Variants in IGF2BP2 observed in about 807,000 individuals in gnomAD.
IGF2BP2 encodes the protein insulin like growth factor 2 mRNA binding protein 2.
In IGF2BP2, 17 loss-of-function variants were observed where a neutral mutation model predicts 75.8. The observed-to-expected ratio is 0.22, with a 90% CI of 0.15 to 0.34. The LOEUF (loss-of-function observed/expected upper bound fraction) is 0.34, where lower values mean the gene tolerates loss of function less well. Ranked by LOEUF, IGF2BP2 falls within the 10% of genes least tolerant of loss-of-function variation. IGF2BP2 has a pLI of 1.00. For synonymous variants in IGF2BP2, 288 were observed against 295.6 expected, an observed-to-expected ratio of 0.97 and a Z score of 0.26; for missense variants, 516 against 772.4, an observed-to-expected ratio of 0.67 and a Z score of 3.93.
At chr3:185,675,125 C>T (rs1719130711) in intron 9 of IGF2BP2, 171 bp downstream of exon 9, 2 of 546,420 alleles carry the variant, frequency 3.7e-6, no homozygotes, top group Non-Finnish European at 6.2e-6. Context: ...TGATGTTGTC[C>T]AGCGCACTTA....
chr3:185,672,739 C>T, intron 9 of IGF2BP2, 70 bp from the exon 10 acceptor site: 1 of 1,566,082 alleles, frequency 6.4e-7, no homozygotes, highest in East Asian at 2.3e-5. Flanking sequence ...GGGTCAACCT[C>T]CCTCTCTTGT....
chr3:185,657,401 T>A lies in IGF2BP2; in HGVS notation c.1271A>T (p.Tyr424Phe). ...QFGPFPHHHS[Y>F]PEQEIVNLFI... ...GAGATTCACAATCTCCTGCTCTGGATACTGGGAGGGCGAGACAAGAAAGAA... is the reference window on the plus strand; with the variant it reads ...GAGATTCACAATCTCCTGCTCTGGAAACTGGGAGGGCGAGACAAGAAAGAA... Residue 424 changes from tyrosine (Y) to phenylalanine (F), a missense_variant and splice_region_variant, in exon 12 of 16, where the codon TAT (tyrosine) becomes TTT (phenylalanine). Physicochemically the swap from Tyr to Phe is conservative, Grantham distance 22. This residue lies in a region of IGF2BP2 where 75 missense variants were observed against 67.4 expected (regional missense o/e 1.11). Coordinates refer to ENST00000382199, the MANE Select transcript of IGF2BP2 (RefSeq NM_006548.6). 1 of 1,609,662 alleles carries A rather than the reference T, an allele frequency of 6.2e-7. No homozygotes were observed.
chr3:185,701,630 A>G (rs1176507565), intron 2 of IGF2BP2, among the ~76,000 whole-genome samples: 1 of 152,212 alleles, frequency 6.6e-6, no homozygotes, highest in Non-Finnish European at 1.5e-5. Context: ...TTTCCCTGTA[A>G]TAGTTCAAGT....
At chr3:185,781,803 G>GTA (rs1475833541) in intron 2 of IGF2BP2, among the ~76,000 whole-genome samples, 3 of 152,216 alleles carry the variant, frequency 2.0e-5, no homozygotes, top group Admixed American at 2.0e-4. Flanking sequence ...GTGTGTGTGT[G>GTA]TATGCATGAG....
intron 2 of IGF2BP2, among the ~76,000 whole-genome samples, chr3:185,715,363 C>A (rs139839337): frequency 6.6e-6 from 1 of 152,262 alleles, no homozygotes; most frequent in East Asian, 1.9e-4. Flanking sequence ...AGTTAAACCA[C>A]GAGGGTGATA....
At chr3:185,662,013 G>T (rs1716524197) in intron 10 of IGF2BP2, among the ~76,000 whole-genome samples, 2 of 152,118 alleles carry the variant, frequency 1.3e-5, no homozygotes, top group South Asian at 4.2e-4. Flanking sequence ...TGTGAATGAG[G>T]GTTAGCAGGA....
At chr3:185,812,226 G>A (rs914520234) in intron 2 of IGF2BP2, among the ~76,000 whole-genome samples, 1 of 152,044 alleles carries the variant, frequency 6.6e-6, no homozygotes, top group African/African-American at 2.4e-5. Flanking sequence ...GGATTAGCAA[G>A]CCAACCCTGC....
At chr3:185,719,164 A>G (rs1726120528) in intron 2 of IGF2BP2, among the ~76,000 whole-genome samples, 1 of 152,224 alleles carries the variant, frequency 6.6e-6, no homozygotes, top group Admixed American at 6.5e-5. Flanking sequence ...CTTATTTAAT[A>G]AGGTGAAGAG....
intron 2 of IGF2BP2, among the ~76,000 whole-genome samples, chr3:185,727,544 A>G (rs896085413): frequency 1.3e-5 from 2 of 152,232 alleles, no homozygotes; most frequent in African/African-American, 4.8e-5. Flanking sequence ...AACAGTGAAG[A>G]GGAAGAGTAA....
chr3:185,747,550 C>G (rs7621342), intron 2 of IGF2BP2, among the ~76,000 whole-genome samples: 1 of 151,972 alleles, frequency 6.6e-6, no homozygotes, highest in Non-Finnish European at 1.5e-5. Flanking sequence ...ATGGTGGCAC[C>G]TGCCTGTAAT....
chr3:185,703,007 AT>A (rs1723526075), intron 2 of IGF2BP2, among the ~76,000 whole-genome samples: 1 of 152,204 alleles, frequency 6.6e-6, no homozygotes. Flanking sequence ...CCACTCTCAA[AT>A]TCAAGTAAAC....
At chr3:185,819,745 G>A (rs1170013413) in intron 2 of IGF2BP2, among the ~76,000 whole-genome samples, 1 of 152,082 alleles carries the variant, frequency 6.6e-6, no homozygotes, top group African/African-American at 2.4e-5. Flanking sequence ...CTTGAAGTAG[G>A]AAGGTACCAC....
chr3:185,785,365 C>T (rs1005329620), intron 2 of IGF2BP2, among the ~76,000 whole-genome samples: 4 of 150,722 alleles, frequency 2.7e-5, no homozygotes, highest in East Asian at 3.9e-4. Context: ...GGGTAGAGAC[C>T]GTTATGCCCC....
intron 2 of IGF2BP2, chr3:185,718,135 T>G (rs1329037208): frequency 6.6e-6 from 1 of 152,242 alleles, no homozygotes; most frequent in South Asian, 2.1e-4. Context: ...GCCTAAAGCC[T>G]GTTTCTGTAA....
chr3:185,650,446 GT>G (rs1260032648), intron 13 of IGF2BP2, among the ~76,000 whole-genome samples: 1 of 152,102 alleles, frequency 6.6e-6, no homozygotes, highest in Non-Finnish European at 1.5e-5. Flanking sequence ...GAAGGTCGAG[GT>G]GGACAGATTG....
At chr3:185,654,843 C>T (rs1043728308) in intron 12 of IGF2BP2, among the ~76,000 whole-genome samples, 43 of 152,280 alleles carry the variant, frequency 2.8e-4, no homozygotes, top group African/African-American at 7.5e-4. Flanking sequence ...AGGCAGGTGA[C>T]GGGAGCTCAG....
At chr3:185,819,249 G>A (rs1741019795) in intron 2 of IGF2BP2, among the ~76,000 whole-genome samples, 1 of 151,802 alleles carries the variant, frequency 6.6e-6, no homozygotes, top group African/African-American at 2.4e-5. Flanking sequence ...TCACCTTTTG[G>A]AATTAATGTT....
chr3:185,712,084 A>C (rs956650269), intron 2 of IGF2BP2, among the ~76,000 whole-genome samples: 7 of 152,208 alleles, frequency 4.6e-5, no homozygotes, highest in Non-Finnish European at 1.0e-4. Flanking sequence ...TCAGGAGAGA[A>C]ACTATTAAAG....
At chr3:185,815,998 G>A (rs554105228) in intron 2 of IGF2BP2, among the ~76,000 whole-genome samples, 1 of 152,264 alleles carries the variant, frequency 6.6e-6, no homozygotes, top group African/African-American at 2.4e-5. Flanking sequence ...AGTACAGAAA[G>A]TGACGTAGAG....
Sources: gnomAD v4.1 joint callset for allele counts (sites outside exome capture counted in the v4.1 genomes callset) on GRCh38, gnomAD v4.1.1 for gene constraint, gnomAD v4.1.1 regional missense constraint, MANE v1.5 for transcripts, NCBI Gene and HGNC (gene_info 2026-07-23, HGNC 2026-07-21) for gene names.